The following ILDR1 variants were observed in gnomAD, a reference collection of about 807,000 sequenced individuals.
ILDR1 encodes the protein immunoglobulin-like domain-containing receptor 1.
Under a neutral mutation model 62.4 loss-of-function variants are expected in ILDR1, and 56 were observed. The observed-to-expected ratio is 0.90, with a 90% confidence interval of 0.72 to 1.12. The LOEUF (loss-of-function observed/expected upper bound fraction) is 1.12. Among genes scored for constraint, ILDR1 ranks in the 50% most tolerant of loss-of-function variants. ILDR1 has a pLI of 0.00. For synonymous variants in ILDR1, 284 were observed against 277.8 expected (o/e 1.02, Z -0.22); for missense variants, 736 against 710.6 (o/e 1.04, Z -0.41).
chr3:122,002,055 G>T (rs547582679), intron 3 of ILDR1, among the ~76,000 whole-genome samples, 191 bp from the exon 4 acceptor site: 2 of 152,168 alleles, frequency 1.3e-5, no homozygotes, highest in African/African-American at 4.8e-5. Context: ...TGGGAGGATC[G>T]CTTGAGCCCA....
At chr3:122,024,609 C>T (rs1237623354), upstream of ILDR1, among the ~76,000 whole-genome samples, 4 of 152,160 alleles carry the variant, frequency 2.6e-5, no homozygotes, top group African/African-American at 9.6e-5. Flanking sequence ...TTATTATGTA[C>T]TATGTACCAA....
intron 1 of ILDR1, among the ~76,000 whole-genome samples, chr3:122,008,276 C>T (rs1030188153): frequency 6.6e-6 from 1 of 152,234 alleles, no homozygotes; most frequent in Non-Finnish European, 1.5e-5. Flanking sequence ...ATACTTAAAG[C>T]TCCAGGTGTG....
intron 1 of ILDR1, among the ~76,000 whole-genome samples, chr3:122,012,696 G>GCAAAATGTCCC (rs2071722265): frequency 6.6e-6 from 1 of 152,188 alleles, no homozygotes; most frequent in African/African-American, 2.4e-5. Flanking sequence ...TTAGCAAAGA[G>GCAAAATGTCCC]CCTGGCACAT....
chr3:122,046,288 G>A, the ILDR1 span, among the ~76,000 whole-genome samples: 16 of 149,948 alleles, frequency 1.1e-4, no homozygotes, highest in East Asian at 1.2e-3. Context: ...CGAGAGATCC[G>A]CTGTTAGTCT....
upstream of ILDR1, among the ~76,000 whole-genome samples, chr3:122,024,262 G>A (rs756666502): frequency 4.6e-5 from 7 of 151,964 alleles, no homozygotes; most frequent in Non-Finnish European, 7.4e-5. Flanking sequence ...AAGAAATATG[G>A]CACTCAGCAT....
intron 1 of ILDR1, among the ~76,000 whole-genome samples, chr3:122,012,390 T>C (rs1391747245): frequency 6.6e-6 from 1 of 152,236 alleles, no homozygotes; most frequent in Non-Finnish European, 1.5e-5. Context: ...TGACTCCTCA[T>C]TTCCTAGCTG....
Position 122,021,325 on chromosome 3 carries a change from A to G in ILDR1, c.58+695T>C, listed in dbSNP as rs114569003. Among the ~76,000 whole-genome samples, 915 of 152,280 alleles carry G rather than the reference A, an allele frequency of 6.0e-3. 10 individuals carry two copies. Among genetic ancestry groups the G allele is most frequent in the African/African-American group, 0.021 (858 of 41,552 alleles). On this transcript the variant is annotated intron_variant, in intron 1 of 7. Transcript: ENST00000344209. ...TTCCTACCTGGTTTCACTCGTGGAG[A>G]TACACACTTCTGTCAGATTTCCAGG...
the ILDR1 span, among the ~76,000 whole-genome samples, chr3:122,047,964 G>C: frequency 6.6e-6 from 1 of 152,168 alleles, no homozygotes; most frequent in Non-Finnish European, 1.5e-5. Flanking sequence ...TTACCCAATT[G>C]TTTGGCTAGG....
the ILDR1 span, chr3:122,055,560 G>A: frequency 2.9e-5 from 45 of 1,526,534 alleles, no homozygotes; most frequent in South Asian, 4.6e-4. Flanking sequence ...TGCAGTGAAA[G>A]GCTGAGGTTG....
chr3:122,019,126 T>C (rs2071821228), intron 1 of ILDR1, among the ~76,000 whole-genome samples: 2 of 152,184 alleles, frequency 1.3e-5, no homozygotes, highest in Non-Finnish European at 2.9e-5. Flanking sequence ...GCAGGGACAC[T>C]AAACTTTCAT....
chr3:122,009,377 C>G (rs1399076686), intron 1 of ILDR1, among the ~76,000 whole-genome samples: 2 of 112,980 alleles, frequency 1.8e-5, no homozygotes, highest in Non-Finnish European at 4.0e-5. Context: ...GCTTTAGATT[C>G]AGATACAGCT....
In ILDR1 at chr3:121,993,513, G is replaced by A. The variant is rs769151171; in HGVS notation, c.1236C>T (p.Pro412=). ...RHRSSRLNGS[P]IHWSDRDSLS... ...GGCTGTCCCTGTCTGACCAGTGTAT[G>A]GGTGACCCATTCAGCCTAGAGCTAC... The change falls in exon 7 of 8, where the codon CCC becomes CCT. Residue 412 remains proline, a synonymous_variant. Transcript: ENST00000344209. 3.1e-6 allele frequency: 5 copies of A among 1,614,114 alleles called. No homozygotes were observed. The East Asian group carries it at 1.1e-4, about 36-fold the overall frequency.
chr3:122,006,396 TG>T (rs1435728753), intron 2 of ILDR1, among the ~76,000 whole-genome samples: 2 of 152,218 alleles, frequency 1.3e-5, no homozygotes, highest in African/African-American at 4.8e-5. Flanking sequence ...ACAACCCATA[TG>T]CCTGGGGCAG....
chr3:122,008,657 G>T (rs576614712), intron 1 of ILDR1, among the ~76,000 whole-genome samples: 20 of 144,418 alleles, frequency 1.4e-4, no homozygotes, highest in Non-Finnish European at 2.8e-4. Context: ...GCAATGGCAC[G>T]ATCTCAGCTC....
the ILDR1 span, among the ~76,000 whole-genome samples, chr3:122,043,408 T>C: frequency 1.6e-5 from 2 of 128,966 alleles, no homozygotes; most frequent in Non-Finnish European, 3.3e-5. Context: ...GGCTCTTTTT[T>C]GGTTCCATAT....
the ILDR1 span, among the ~76,000 whole-genome samples, chr3:122,059,236 G>A: frequency 2.0e-5 from 3 of 152,140 alleles, no homozygotes; most frequent in African/African-American, 7.2e-5. Context: ...CTCATTGTGG[G>A]TCAATTCAGT....
chr3:122,037,223 C>T, the ILDR1 span, among the ~76,000 whole-genome samples: 1 of 152,188 alleles, frequency 6.6e-6, no homozygotes, highest in Non-Finnish European at 1.5e-5. Context: ...GAAAAGAGGA[C>T]CATCATTCCC....
chr3:122,038,462 C>T, the ILDR1 span, among the ~76,000 whole-genome samples: 2 of 152,142 alleles, frequency 1.3e-5, no homozygotes, highest in East Asian at 1.9e-4. Flanking sequence ...CTGAACTCCA[C>T]GCTAAATTAA....
At chr3:122,002,323 G>A (rs1333198123) in intron 3 of ILDR1, among the ~76,000 whole-genome samples, 2 of 152,118 alleles carry the variant, frequency 1.3e-5, no homozygotes, top group East Asian at 3.8e-4. Context: ...TCAGAGGTAG[G>A]TTCAAACCCA....
Sources: allele counts gnomAD v4.1 joint callset (sites outside exome capture counted in the v4.1 genomes callset), GRCh38; gene constraint gnomAD v4.1.1; transcripts MANE v1.5; gene names NCBI Gene and HGNC (gene_info 2026-07-23, HGNC 2026-07-21).